IQCM: variants seen among roughly 807,000 people sequenced by gnomAD.
IQCM encodes IQ motif containing M.
IQCM carries 45 observed loss-of-function variants against 57.6 expected under a neutral mutation model. The observed-to-expected ratio is 0.78, with a 90% confidence interval of 0.62 to 1.00. The LOEUF is 1.00. Among genes scored for constraint, IQCM ranks in the 50% least tolerant of loss-of-function variants. The pLI is 0.00. For synonymous variants in IQCM, 148 were observed against 158.9 expected (o/e 0.93, Z 0.51); for missense variants, 468 against 511.6 (o/e 0.91, Z 0.82).
intron 10 of IQCM, among the ~76,000 whole-genome samples, chr4:149,555,982 T>C (rs1251699259): frequency 6.6e-6 from 1 of 152,178 alleles, no homozygotes; most frequent in Non-Finnish European, 1.5e-5. Flanking sequence ...ATGACAATGG[T>C]CCATCCATGT....
At chr4:149,450,480 A>G (rs1736992047) in intron 12 of IQCM, among the ~76,000 whole-genome samples, 1 of 151,754 alleles carries the variant, frequency 6.6e-6, no homozygotes, top group African/African-American at 2.4e-5. Flanking sequence ...GGGATTAATA[A>G]CCAGAATACA....
At chr4:149,671,160 G>C (rs1321708786) in intron 7 of IQCM, among the ~76,000 whole-genome samples, 1 of 151,968 alleles carries the variant, frequency 6.6e-6, no homozygotes, top group Non-Finnish European at 1.5e-5. Context: ...CAATTTCAGA[G>C]CTTGTAATTG....
chr4:149,491,977 G>GT (rs1742144594), intron 12 of IQCM, among the ~76,000 whole-genome samples: 1 of 151,786 alleles, frequency 6.6e-6, no homozygotes, highest in Non-Finnish European at 1.5e-5. Flanking sequence ...TATCATTGTG[G>GT]TTTTTATTTT....
intron 12 of IQCM, among the ~76,000 whole-genome samples, chr4:149,463,404 G>C (rs1177298746): frequency 6.6e-6 from 1 of 152,154 alleles, no homozygotes. Context: ...AATGTATTAT[G>C]GTGCCCTGAA....
chr4:149,794,182 T>C (rs1772900434), intron 2 of IQCM, among the ~76,000 whole-genome samples: 1 of 151,768 alleles, frequency 6.6e-6, no homozygotes, highest in Non-Finnish European at 1.5e-5. Context: ...GGGGCAGGAG[T>C]AGATTGTAGG....
At chr4:149,643,014 A>AT (rs1471766536) in intron 7 of IQCM, among the ~76,000 whole-genome samples, 1 of 150,452 alleles carries the variant, frequency 6.6e-6, no homozygotes, top group African/African-American at 2.4e-5. Flanking sequence ...CCTTTTTTAA[A>AT]TTTTTTAAAT....
At chr4:149,461,090 C>T (rs752286878) in intron 12 of IQCM, among the ~76,000 whole-genome samples, 3 of 151,820 alleles carry the variant, frequency 2.0e-5, no homozygotes, top group East Asian at 1.9e-4. Flanking sequence ...CAAAATTAGG[C>T]GGGTGTGGTG....
intron 8 of IQCM, among the ~76,000 whole-genome samples, chr4:149,602,133 A>T (rs1392864159): frequency 6.6e-6 from 1 of 152,076 alleles, no homozygotes; most frequent in African/African-American, 2.4e-5. Context: ...ACAATACAGT[A>T]TAAAAACTAT....
At chr4:149,574,552 G>A (rs182806076) in intron 9 of IQCM, among the ~76,000 whole-genome samples, 1 of 151,984 alleles carries the variant, frequency 6.6e-6, no homozygotes, top group East Asian at 1.9e-4. Context: ...AGTTTTCAGA[G>A]AGATAAGAGA....
At chr4:149,387,835 AC>A (rs1731532953) in intron 13 of IQCM, among the ~76,000 whole-genome samples, 1 of 151,430 alleles carries the variant, frequency 6.6e-6, no homozygotes, top group African/African-American at 2.4e-5. Flanking sequence ...ATTAACAGTC[AC>A]CCCCTACTAC....
At chr4:149,661,060 T>A (rs1276943480) in intron 7 of IQCM, among the ~76,000 whole-genome samples, 3 of 152,072 alleles carry the variant, frequency 2.0e-5, no homozygotes, top group African/African-American at 7.2e-5. Context: ...TTGTTTCCAA[T>A]CTGAGAGGAA....
intron 5 of IQCM, among the ~76,000 whole-genome samples, chr4:149,700,100 G>A (rs1327965141): frequency 6.6e-6 from 1 of 152,064 alleles, no homozygotes; most frequent in Non-Finnish European, 1.5e-5. Flanking sequence ...ACTGAGGCAA[G>A]ATGCTCTGAG....
chr4:149,674,242 T>C (rs1489527474), intron 7 of IQCM, among the ~76,000 whole-genome samples: 1 of 152,112 alleles, frequency 6.6e-6, no homozygotes, highest in Non-Finnish European at 1.5e-5. Context: ...ATTAGGTAAC[T>C]TTCCTCATTA....
chr4:149,374,947 T>C (rs1027646749), intron 13 of IQCM, among the ~76,000 whole-genome samples: 5 of 151,572 alleles, frequency 3.3e-5, no homozygotes, highest in African/African-American at 1.2e-4. Context: ...GCCAAGTTCC[T>C]TGCCTCTGCC....
In IQCM at chr4:149,622,347, TTA is replaced by T. The variant is rs910472448; in HGVS notation, c.566-1105_566-1104del. Among the ~76,000 whole-genome samples the T allele has an allele frequency of 2.5e-4, 37 of 150,596 alleles. 2 individuals are homozygous for T. Among genetic ancestry groups the T allele is most frequent in the African/African-American group, 7.8e-4 (32 of 40,986 alleles). ...CAATGTGAATCAGTGGAATTCTTTT[TTA>T]TTTTTTTTTTGGAGACGTAGTCTCA... On this transcript the variant is annotated intron_variant, in intron 7 of 13. Transcript: ENST00000636793.
At chr4:149,393,125 A>G (rs890154376) in intron 13 of IQCM, among the ~76,000 whole-genome samples, 1 of 152,030 alleles carries the variant, frequency 6.6e-6, no homozygotes, top group African/African-American at 2.4e-5. Context: ...GTGAGCTGCA[A>G]TTGTTTCACT....
chr4:149,799,864 CA>C (rs950192259), intron 2 of IQCM, among the ~76,000 whole-genome samples: 1 of 149,622 alleles, frequency 6.7e-6, no homozygotes, highest in Non-Finnish European at 1.5e-5. Flanking sequence ...AACAAAAAAA[CA>C]AAAAAACAAA....
intron 8 of IQCM, among the ~76,000 whole-genome samples, chr4:149,612,438 C>T (rs1392323056): frequency 1.3e-5 from 2 of 152,088 alleles, no homozygotes; most frequent in Non-Finnish European, 2.9e-5. Flanking sequence ...TTTTGTCACA[C>T]TTTTAGACAC....
Position 149,619,106 on chromosome 4 carries a change from G to A in IQCM, c.681+2023C>T, listed in dbSNP as rs867856363. Among the ~76,000 whole-genome samples, 372 of 60,684 alleles carry A rather than the reference G, an allele frequency of 6.1e-3. 3 individuals are homozygous for A. Among genetic ancestry groups the A allele is most frequent in the Admixed American group, 0.015 (90 of 5,922 alleles). 39.8% of individuals were successfully genotyped at this position (60,684 alleles called of 152,430 possible). A position where few individuals can be genotyped will look rare whatever the true frequency, so the allele number is the denominator to read the frequency against. ...GATGACTGGATTAAAAATGTGGGATGGATATATATATATATATATATATAT... is the reference window on the plus strand; with the variant it reads ...GATGACTGGATTAAAAATGTGGGATAGATATATATATATATATATATATAT... On this transcript the variant is annotated intron_variant, in intron 8 of 13. Transcript: ENST00000636793.
Sources: allele counts gnomAD v4.1 joint callset (sites outside exome capture counted in the v4.1 genomes callset), GRCh38; gene constraint gnomAD v4.1.1; transcripts MANE v1.5; gene names NCBI Gene and HGNC (gene_info 2026-07-23, HGNC 2026-07-21).